The following FCHSD2 variants were observed in gnomAD, a reference collection of about 807,000 sequenced individuals.
FCHSD2 encodes the protein F-BAR and double SH3 domains protein 2.
FCHSD2 carries 38 observed loss-of-function variants against 108.1 expected under a neutral mutation model. The ratio of observed to expected loss-of-function variants is 0.35; its 90% confidence interval spans 0.27 to 0.46. The LOEUF (loss-of-function observed/expected upper bound fraction) is 0.46. FCHSD2 is among the 20% of genes least tolerant of loss of function. The pLI is 1.00. For missense variants in FCHSD2, 751 were observed against 897.8 expected, an observed-to-expected ratio of 0.84 and a Z score of 2.09; for synonymous variants, 279 against 314.7, an observed-to-expected ratio of 0.89 and a Z score of 1.20.
At chr11:73,068,693 G>A (rs1212937645) in intron 3 of FCHSD2, among the ~76,000 whole-genome samples, 1 of 151,636 alleles carries the variant, frequency 6.6e-6, no homozygotes, top group Non-Finnish European at 1.5e-5. Flanking sequence ...CTTCAGGCCA[G>A]GTGCACTGGC....
intron 10 of FCHSD2, among the ~76,000 whole-genome samples, chr11:72,897,352 G>C (rs1591378494): frequency 6.9e-6 from 1 of 144,548 alleles, no homozygotes; most frequent in Admixed American, 6.9e-5. Flanking sequence ...AGTTGTGTCT[G>C]TACTGAACAT....
At chr11:73,100,193 C>T (rs1347531094) in intron 2 of FCHSD2, among the ~76,000 whole-genome samples, 1 of 152,182 alleles carries the variant, frequency 6.6e-6, no homozygotes, top group Non-Finnish European at 1.5e-5. Context: ...CAGAATCCCA[C>T]CTCCTTGTCA....
In FCHSD2 at chr11:73,073,580, C is replaced by T. The variant is rs566325813; in HGVS notation, c.165+10115G>A. ...AATTAATTTCCTTCACAATATTTTT[C>T]TTTTAGGATGGCTCACCTGTATGCT... On this transcript the variant is annotated intron_variant, in intron 3 of 19. Coordinates refer to ENST00000409418, the MANE Select transcript of FCHSD2 (RefSeq NM_014824.3). Among the ~76,000 whole-genome samples, 16 of 152,286 alleles carry T rather than the reference C, an allele frequency of 1.1e-4. No individual in the cohort carries two copies. The East Asian group carries it at 2.7e-3, about 26-fold the overall frequency.
intron 8 of FCHSD2, among the ~76,000 whole-genome samples, chr11:72,933,208 T>C (rs1173077499): frequency 6.6e-6 from 1 of 152,028 alleles, no homozygotes; most frequent in Non-Finnish European, 1.5e-5. Context: ...TGGGTGGAGG[T>C]GGTCCCTTGA....
At chr11:73,044,315 T>C (rs1287829131) in intron 3 of FCHSD2, among the ~76,000 whole-genome samples, 1 of 152,194 alleles carries the variant, frequency 6.6e-6, no homozygotes, top group Non-Finnish European at 1.5e-5. Context: ...TGGTGTCTTA[T>C]ATCTGTAATC....
intron 14 of FCHSD2, among the ~76,000 whole-genome samples, chr11:72,845,459 A>C (rs1195810853): frequency 3.3e-5 from 1 of 30,268 alleles, no homozygotes; most frequent in Admixed American, 5.1e-4. Flanking sequence ...AAAAAAAAAA[A>C]AACAACAACA....
chr11:73,006,909 G>A (rs536204985), intron 4 of FCHSD2, among the ~76,000 whole-genome samples: 11 of 152,310 alleles, frequency 7.2e-5, no homozygotes, highest in African/African-American at 2.6e-4. Flanking sequence ...AACCAAATGT[G>A]TCTGGCTCCC....
At chr11:72,921,428 T>C (rs780749286) in intron 9 of FCHSD2, among the ~76,000 whole-genome samples, 122 of 152,240 alleles carry the variant, frequency 8.0e-4, no homozygotes, top group African/African-American at 2.6e-3. Context: ...CTGTTGTTTT[T>C]ATATCAATTA....
rs1861035668 is a variant in FCHSD2 at position 73,132,854 on chromosome 11, T to A, written c.119+7177A>T. ...AAAAAAAAAAAAAACCTCAGGTGAT[T>A]CTTCCATAGAATGGGAAAAAAATAC... is the stretch of plus-strand genomic sequence containing the variant. On this transcript the variant is annotated intron_variant, in intron 2 of 19. Coordinates refer to ENST00000409418, the MANE Select transcript of FCHSD2 (RefSeq NM_014824.3). Among the ~76,000 whole-genome samples, 4 of 151,122 alleles carry A rather than the reference T, an allele frequency of 2.6e-5. No homozygotes were observed. The South Asian group carries it at 6.3e-4, about 24-fold the overall frequency.
intron 6 of FCHSD2, among the ~76,000 whole-genome samples, chr11:72,986,498 C>T (rs553669344): frequency 2.0e-5 from 3 of 152,304 alleles, no homozygotes; most frequent in Non-Finnish European, 2.9e-5. Flanking sequence ...CGTGAGCCAC[C>T]GTGCCCGGCC....
chr11:72,959,809 G>A (rs1262711981), intron 8 of FCHSD2, among the ~76,000 whole-genome samples: 3 of 151,912 alleles, frequency 2.0e-5, no homozygotes, highest in African/African-American at 7.3e-5. Context: ...CTGATGAGCA[G>A]AGGTAGAACT....
At chr11:72,948,254 C>CA (rs1856556169) in intron 8 of FCHSD2, among the ~76,000 whole-genome samples, 1 of 152,162 alleles carries the variant, frequency 6.6e-6, no homozygotes, top group African/African-American at 2.4e-5. Flanking sequence ...GCAATCCACC[C>CA]ACCTCAGCCT....
chr11:73,066,163 GA>G (rs1859287620), intron 3 of FCHSD2, among the ~76,000 whole-genome samples: 1 of 152,132 alleles, frequency 6.6e-6, no homozygotes, highest in Non-Finnish European at 1.5e-5. Flanking sequence ...TAGACCAATG[GA>G]ACAGAACAGA....
intron 2 of FCHSD2, among the ~76,000 whole-genome samples, chr11:73,104,779 G>A (rs1038021220): frequency 6.6e-6 from 1 of 152,042 alleles, no homozygotes; most frequent in African/African-American, 2.4e-5. Context: ...ACCAGGCCAG[G>A]CTGGTCTCAA....
At chr11:72,900,746 T>C (rs1855510489) in intron 10 of FCHSD2, among the ~76,000 whole-genome samples, 1 of 152,142 alleles carries the variant, frequency 6.6e-6, no homozygotes, top group Non-Finnish European at 1.5e-5. Context: ...CCTACATTTC[T>C]TTATATAGCT....
intron 3 of FCHSD2, among the ~76,000 whole-genome samples, chr11:73,021,605 G>T (rs1858106774): frequency 6.6e-6 from 1 of 151,860 alleles, no homozygotes; most frequent in African/African-American, 2.4e-5. Context: ...ATAATTAATG[G>T]GTACTAGGCT....
At chr11:73,127,921 C>CACCG (rs1860897428) in intron 2 of FCHSD2, among the ~76,000 whole-genome samples, 1 of 150,850 alleles carries the variant, frequency 6.6e-6, no homozygotes, top group Non-Finnish European at 1.5e-5. Flanking sequence ...CATAGTGAAG[C>CACCG]ACCGTCTCTA....
At chr11:73,094,984 T>C (rs1033349548) in intron 2 of FCHSD2, among the ~76,000 whole-genome samples, 5 of 152,202 alleles carry the variant, frequency 3.3e-5, no homozygotes, top group Middle Eastern at 3.2e-3. Context: ...GAATATCTTC[T>C]GGATTTCAGG....
rs566679120 is a variant in FCHSD2 at position 73,045,995 on chromosome 11, T to C, written c.166-30110A>G. On this transcript the variant is annotated intron_variant, in intron 3 of 19. Coordinates refer to ENST00000409418, the MANE Select transcript of FCHSD2 (RefSeq NM_014824.3). The stretch of plus-strand genomic sequence containing the variant: ...TCTACAATAATTTCAGTAATTTTTT[T>C]TTTTTTTTTTTTAGAGACAGGGTCT... Among the ~76,000 whole-genome samples the C allele has an allele frequency of 3.4e-5, 5 of 148,064 alleles. No homozygotes were observed. The East Asian group carries it at 1.0e-3, about 29-fold the overall frequency.
Sources: allele counts gnomAD v4.1 joint callset (sites outside exome capture counted in the v4.1 genomes callset), GRCh38; gene constraint gnomAD v4.1.1; transcripts MANE v1.5; gene names NCBI Gene and HGNC (gene_info 2026-07-23, HGNC 2026-07-21).